Variants in TPST2 observed in about 807,000 individuals in gnomAD.
TPST2 encodes tyrosylprotein sulfotransferase 2, also known as protein-tyrosine sulfotransferase 2.
A neutral mutation model predicts 27.8 loss-of-function variants in TPST2; 16 were observed. That is an observed-to-expected ratio of 0.58 (90% confidence interval 0.39 to 0.88). The LOEUF (loss-of-function observed/expected upper bound fraction) is 0.88. TPST2 is among the 40% of genes least tolerant of loss of function. TPST2 has a pLI of 0.00. For synonymous variants in TPST2, 229 were observed against 231.7 expected (o/e 0.99, Z 0.10); for missense variants, 464 against 543.1 (o/e 0.85, Z 1.45).
chr22:26,526,034 T>G lies in TPST2; in HGVS notation c.*241A>C, dbSNP rs550964397. On this transcript the variant is annotated 3_prime_UTR_variant, in exon 7 of 7. Coordinates refer to ENST00000338754, the MANE Select transcript of TPST2 (RefSeq NM_003595.5). Reference sequence around the variant, plus strand: ...AGGGGAAAAATATAAAATACCTAAGTTTCAAAAGCCGGACTACTTCCATAC... The same window carrying G: ...AGGGGAAAAATATAAAATACCTAAGGTTCAAAAGCCGGACTACTTCCATAC... 1 of 152,342 alleles carries G rather than the reference T, an allele frequency of 6.6e-6. No individual in the cohort carries two copies. The highest frequency in any genetic ancestry group is 1.9e-4 in the East Asian group (1 of 5,186). The allele number at this position is 152,342 out of a possible 1,614,324, so 9.4% of individuals were successfully genotyped here.
chr22:26,577,523 A>AT (rs1228462768), intron 1 of TPST2, among the ~76,000 whole-genome samples: 4 of 148,066 alleles, frequency 2.7e-5, no homozygotes, highest in South Asian at 2.1e-4. Flanking sequence ...AATTTTTTGT[A>AT]TTTTTTTAGT....
At chr22:26,540,695 C>G in intron 3 of TPST2, 94 bp downstream of exon 3, 1 of 1,252,202 alleles carries the variant, frequency 8.0e-7, no homozygotes, top group Non-Finnish European at 1.1e-6. Context: ...TGCCCAAGGC[C>G]ACACAGCTCA....
chr22:26,579,137 T>C (rs1215611126), intron 1 of TPST2, among the ~76,000 whole-genome samples: 2 of 152,212 alleles, frequency 1.3e-5, no homozygotes, highest in East Asian at 1.9e-4. Context: ...ATTATGGGTG[T>C]GAGCCACTGT....
At chr22:26,556,608 TTGTCACCTGGA>T in intron 1 of TPST2, among the ~76,000 whole-genome samples, 1 of 152,230 alleles carries the variant, frequency 6.6e-6, no homozygotes, top group East Asian at 1.9e-4. Flanking sequence ...ATCACCTATG[TTGTCACCTGGA>T]GGAAATGTTA....
At chr22:26,564,630 A>C (rs554021033) in intron 1 of TPST2, among the ~76,000 whole-genome samples, 1 of 152,194 alleles carries the variant, frequency 6.6e-6, no homozygotes, top group South Asian at 2.1e-4. Flanking sequence ...ACTTATGCAC[A>C]GATCAGTCAA....
rs1346052282 is a variant in TPST2, at chr22:26,524,325, T to C, written c.*1950A>G. 5 of 151,566 alleles carry C rather than the reference T, an allele frequency of 3.3e-5. No individual in the cohort carries two copies. Among genetic ancestry groups the C allele is most frequent in the African/African-American group, 9.7e-5 (4 of 41,172 alleles). 9.4% of individuals were successfully genotyped at this position (151,566 alleles called of 1,614,324 possible). A position where few individuals can be genotyped will look rare whatever the true frequency, so the allele number is the denominator to read the frequency against. On this transcript the variant is annotated 3_prime_UTR_variant, in exon 7 of 7. Coordinates refer to ENST00000338754, the MANE Select transcript of TPST2 (RefSeq NM_003595.5). The stretch of plus-strand genomic sequence containing the variant: ...CCCATGAAGTTCAGCCTGAACAGCA[T>C]AGAAAGACCTCGTCTCTACAGAAAA...
chr22:26,556,049 T>C (rs1030719291), intron 1 of TPST2, among the ~76,000 whole-genome samples: 1 of 152,182 alleles, frequency 6.6e-6, no homozygotes, highest in Admixed American at 6.5e-5. Flanking sequence ...TTAAATGGAA[T>C]ACAATAAAAT....
chr22:26,588,199 T>TAA (rs34033548), intron 1 of TPST2, among the ~76,000 whole-genome samples: 262 of 145,258 alleles, frequency 1.8e-3, no homozygotes, highest in East Asian at 5.2e-3. Context: ...ACGAAGTACT[T>TAA]AAAAAAAAAA....
In TPST2 at chr22:26,541,616, C is replaced by T. The variant is rs755940766; in HGVS notation, c.15G>A (p.Val5=). The stretch of plus-strand genomic sequence containing the variant: ...AGCCGGCTGCCAGCAGCACCCTCCG[C>T]ACCGACAGGCGCATGCTGGGCCGGA... MRLS[V]RRVLLAAGCA... is the part of the protein sequence containing the mutation. Residue 5 remains valine, a synonymous_variant, in exon 3 of 7, where the codon GTG becomes GTA. Coordinates refer to ENST00000338754, the MANE Select transcript of TPST2 (RefSeq NM_003595.5). This position sits in a 1 kb window ranked among gnomAD's most constrained non-coding sequence, Gnocchi z 5.9. The T allele has an allele frequency of 1.3e-6, 2 of 1,581,192 alleles. No homozygotes were observed. The highest frequency in any genetic ancestry group is 2.3e-5 in the South Asian group (2 of 88,396).
chr22:26,542,278 G>A (rs1260486878), intron 2 of TPST2, among the ~76,000 whole-genome samples: 1 of 151,528 alleles, frequency 6.6e-6, no homozygotes, highest in East Asian at 1.9e-4. Flanking sequence ...GCATTGAGTG[G>A]TGAGAGATCA....
At chr22:26,552,757 A>G (rs920512187) in intron 1 of TPST2, among the ~76,000 whole-genome samples, 4 of 152,226 alleles carry the variant, frequency 2.6e-5, no homozygotes, top group Admixed American at 1.3e-4. Flanking sequence ...CCCCTGGTCT[A>G]TATCACGAAA....
At chr22:26,544,246 A>G (rs1391567725) in intron 2 of TPST2, among the ~76,000 whole-genome samples, 1 of 152,222 alleles carries the variant, frequency 6.6e-6, no homozygotes, top group Non-Finnish European at 1.5e-5. Flanking sequence ...AAGCATACCT[A>G]AAACACTAAC....
intron 1 of TPST2, among the ~76,000 whole-genome samples, chr22:26,571,731 C>T (rs1398545680): frequency 6.6e-6 from 1 of 152,210 alleles, no homozygotes; most frequent in Non-Finnish European, 1.5e-5. Context: ...CTAATAGGAT[C>T]TCCTGAGCTT....
At chr22:26,571,576 T>C (rs757193367) in intron 1 of TPST2, among the ~76,000 whole-genome samples, 4 of 151,928 alleles carry the variant, frequency 2.6e-5, no homozygotes, top group Admixed American at 1.3e-4. Context: ...CTAGATAGAG[T>C]TGTCACTCTG....
intron 4 of TPST2, among the ~76,000 whole-genome samples, chr22:26,535,662 G>A (rs4149474): frequency 0.058 from 8,892 of 152,232 alleles, 305 homozygotes; most frequent in Middle Eastern, 0.082. Flanking sequence ...TGCAGTCCTA[G>A]CTACTCAGGA....
At chr22:26,543,645 T>C (rs1474430676) in intron 2 of TPST2, among the ~76,000 whole-genome samples, 2 of 152,134 alleles carry the variant, frequency 1.3e-5, no homozygotes, top group Admixed American at 6.6e-5. Context: ...TGTTCGAAAT[T>C]ATGGAGCATA....
chr22:26,540,222 G>T (rs948992571), intron 3 of TPST2, among the ~76,000 whole-genome samples: 4 of 152,168 alleles, frequency 2.6e-5, no homozygotes, highest in African/African-American at 9.7e-5. Context: ...GCAGAGCTGA[G>T]GTTTGAACCC....
intron 1 of TPST2, among the ~76,000 whole-genome samples, chr22:26,551,205 G>C (rs1023262803): frequency 1.1e-4 from 17 of 152,194 alleles, no homozygotes; most frequent in Non-Finnish European, 2.4e-4. Context: ...AGGATGGCTT[G>C]AGCCTGGGAG....
At chr22:26,570,210 G>A (rs1927578190) in intron 1 of TPST2, among the ~76,000 whole-genome samples, 1 of 152,024 alleles carries the variant, frequency 6.6e-6, no homozygotes, top group African/African-American at 2.4e-5. Context: ...TGCTGCAGAG[G>A]AACACACAAG....
Sources: allele counts gnomAD v4.1 joint callset (sites outside exome capture counted in the v4.1 genomes callset), GRCh38; gene constraint gnomAD v4.1.1; non-coding constraint Gnocchi (gnomAD v3.1); transcripts MANE v1.5; gene names NCBI Gene and HGNC (gene_info 2026-07-23, HGNC 2026-07-21).